TTC7B: variants seen among roughly 807,000 people sequenced by gnomAD.
TTC7B encodes tetratricopeptide repeat protein 7B.
Under a neutral mutation model 106.8 loss-of-function variants are expected in TTC7B, and 28 were observed. The ratio of observed to expected loss-of-function variants is 0.26; its 90% CI spans 0.19 to 0.36. The LOEUF (loss-of-function observed/expected upper bound fraction) is 0.36. Among genes scored for constraint, TTC7B ranks in the 10% least tolerant of loss-of-function variants. TTC7B has a pLI of 1.00. For synonymous variants in TTC7B, 405 were observed against 430.6 expected (o/e 0.94, Z 0.74); for missense variants, 862 against 1,076.4 (o/e 0.80, Z 2.79).
In TTC7B at chr14:90,786,341, A is replaced by G; in HGVS notation, c.122-13T>C. 6.2e-7 allele frequency: 1 copy of G among 1,612,760 alleles called. No individual in the cohort carries two copies. Among genetic ancestry groups the G allele is most frequent in the Non-Finnish European group, 8.5e-7 (1 of 1,179,764 alleles). On this transcript the variant is annotated splice_polypyrimidine_tract_variant and intron_variant, in intron 1 of 19. Transcript: ENST00000328459. Reference sequence around the variant, plus strand: ...TCTGCCATGTCATCTACAAAAACAAAGTGAGAACAAAGTGGGAGCAAGGAA... The same window carrying G: ...TCTGCCATGTCATCTACAAAAACAAGGTGAGAACAAAGTGGGAGCAAGGAA...
intron 17 of TTC7B, among the ~76,000 whole-genome samples, chr14:90,602,696 C>T (rs527463605): frequency 1.5e-5 from 2 of 136,094 alleles, no homozygotes; most frequent in East Asian, 4.0e-4. Context: ...GACCTTGTCT[C>T]AAAAAGAAAA....
intron 5 of TTC7B, among the ~76,000 whole-genome samples, chr14:90,702,638 T>C (rs1253624524): frequency 6.6e-6 from 1 of 152,232 alleles, no homozygotes; most frequent in African/African-American, 2.4e-5. Context: ...GGAAAAAAGA[T>C]ATTCCCCAGT....
chr14:90,719,772 G>A (rs758699609), intron 5 of TTC7B, among the ~76,000 whole-genome samples: 1 of 152,192 alleles, frequency 6.6e-6, no homozygotes, highest in Non-Finnish European at 1.5e-5. Context: ...AAATTCTTGT[G>A]AGTTGGAATC....
At chr14:90,688,820 A>G (rs1461822660) in intron 7 of TTC7B, among the ~76,000 whole-genome samples, 1 of 151,874 alleles carries the variant, frequency 6.6e-6, no homozygotes, top group Admixed American at 6.6e-5. Flanking sequence ...AAATAAAAAA[A>G]ATTTAAAAAT....
At chr14:90,632,898 T>C (rs1884763364) in intron 15 of TTC7B, among the ~76,000 whole-genome samples, 1 of 152,238 alleles carries the variant, frequency 6.6e-6, no homozygotes, top group South Asian at 2.1e-4. Flanking sequence ...ATGCGGGGTA[T>C]AAACATTAGT....
At chr14:90,748,487 A>C (rs553112158) in intron 3 of TTC7B, among the ~76,000 whole-genome samples, 82 of 150,676 alleles carry the variant, frequency 5.4e-4, no homozygotes, top group Non-Finnish European at 8.0e-4. Flanking sequence ...ACCACCACAC[A>C]TGGCTAATTT....
At chr14:90,573,186 G>A (rs772897871) in intron 19 of TTC7B, among the ~76,000 whole-genome samples, 12 of 152,076 alleles carry the variant, frequency 7.9e-5, no homozygotes, top group Admixed American at 1.3e-4. Context: ...TCTAGATTTC[G>A]TCACTTCTCA....
At chr14:90,587,898 G>A (rs1891783321) in intron 18 of TTC7B, among the ~76,000 whole-genome samples, 2 of 152,180 alleles carry the variant, frequency 1.3e-5, no homozygotes, top group East Asian at 3.8e-4. Flanking sequence ...TGATAGCTGT[G>A]TCTCAGTTTC....
rs1006703745 is a variant in TTC7B at position 90,663,729 on chromosome 14, G to A, written c.1153-5342C>T. Reference sequence around the variant, plus strand: ...ACCCACCTCCCCTAACAAGCCATGAGGGTGTCCTAAAGAGAGTTAGGAAAT... The same window carrying A: ...ACCCACCTCCCCTAACAAGCCATGAAGGTGTCCTAAAGAGAGTTAGGAAAT... On this transcript the variant is annotated intron_variant, in intron 9 of 19. Transcript: ENST00000328459. This position sits in a 1 kb window ranked among gnomAD's most constrained non-coding sequence, Gnocchi z 4.5. Among the ~76,000 whole-genome samples, 2 of 152,188 alleles carry A rather than the reference G, an allele frequency of 1.3e-5. No individual in the cohort carries two copies. Among genetic ancestry groups the A allele is most frequent in the Non-Finnish European group, 2.9e-5 (2 of 68,032 alleles).
chr14:90,706,863 T>A (rs181608713), intron 5 of TTC7B, among the ~76,000 whole-genome samples: 2 of 152,312 alleles, frequency 1.3e-5, no homozygotes, highest in East Asian at 3.9e-4. Flanking sequence ...GCGAGAACTC[T>A]CTCTCTCACA....
At chr14:90,720,103 A>G (rs1054515790) in intron 5 of TTC7B, among the ~76,000 whole-genome samples, 87 of 151,644 alleles carry the variant, frequency 5.7e-4, no homozygotes, top group Admixed American at 5.6e-3. Flanking sequence ...TCTTCTTCCA[A>G]TGTGGCCCAG....
chr14:90,605,208 G>A (rs1023867490), intron 17 of TTC7B, among the ~76,000 whole-genome samples: 1 of 152,178 alleles, frequency 6.6e-6, no homozygotes, highest in Non-Finnish European at 1.5e-5. Context: ...ATGATTATAC[G>A]CTGGTTGAAT....
chr14:90,545,245 T>C (rs1286411453), intron 19 of TTC7B, among the ~76,000 whole-genome samples: 4 of 152,192 alleles, frequency 2.6e-5, no homozygotes, highest in African/African-American at 9.7e-5. Flanking sequence ...GAGAGCTCAG[T>C]GGAGCTCTCT....
intron 5 of TTC7B, among the ~76,000 whole-genome samples, chr14:90,727,811 TC>T (rs1241287553): frequency 2.0e-5 from 3 of 152,218 alleles, no homozygotes; most frequent in East Asian, 3.9e-4. Context: ...GTCCATTATA[TC>T]CTTTCAGATA....
chr14:90,719,476 G>T (rs1039635071), intron 5 of TTC7B, among the ~76,000 whole-genome samples: 3 of 152,184 alleles, frequency 2.0e-5, no homozygotes, highest in Non-Finnish European at 2.9e-5. Context: ...GGGCTTCCCT[G>T]AGTGTGCTGA....
chr14:90,576,497 A>G (rs373921553), intron 19 of TTC7B, among the ~76,000 whole-genome samples: 4 of 152,360 alleles, frequency 2.6e-5, no homozygotes, highest in African/African-American at 9.6e-5. Flanking sequence ...ACTGAAAATG[A>G]CTGTCTTCAG....
chr14:90,610,835 A>T lies in TTC7B; in HGVS notation c.1873T>A (p.Ser625Thr). 4.3e-6 allele frequency: 7 copies of T among 1,612,442 alleles called. No individual in the cohort carries two copies. The highest frequency in any genetic ancestry group is 5.1e-6 in the Non-Finnish European group (6 of 1,178,446). Residue 625 changes from serine to threonine, a missense_variant, in exon 17 of 20, where the codon TCT becomes ACT. Ser to Thr is a moderately conservative substitution (Grantham distance 58). Coordinates refer to ENST00000328459, the MANE Select transcript of TTC7B (RefSeq NM_001010854.2). ...TCTAAGAGGCTGCTCCCACGTCCAGAATCACTGCAAAACACAGCTACAAAT... is the reference window on the plus strand; with the variant it reads ...TCTAAGAGGCTGCTCCCACGTCCAGTATCACTGCAAAACACAGCTACAAAT... ...SCYNLTNPSD[S>T]GRGSSLLDRT...
At chr14:90,744,266 A>T (rs1228658401) in intron 4 of TTC7B, among the ~76,000 whole-genome samples, 1 of 152,272 alleles carries the variant, frequency 6.6e-6, no homozygotes, top group Middle Eastern at 3.4e-3. Context: ...TGCTCAGAGG[A>T]TGCTAAAATG....
chr14:90,619,833 A>C (rs1224911523), intron 15 of TTC7B, among the ~76,000 whole-genome samples: 1 of 152,154 alleles, frequency 6.6e-6, no homozygotes, highest in Non-Finnish European at 1.5e-5. Flanking sequence ...TTGTGCTCTG[A>C]GTTTGATGGG....
Sources: gnomAD v4.1 joint callset for allele counts (sites outside exome capture counted in the v4.1 genomes callset) on GRCh38, gnomAD v4.1.1 for gene constraint, Gnocchi (gnomAD v3.1) non-coding constraint, MANE v1.5 for transcripts, NCBI Gene and HGNC (gene_info 2026-07-23, HGNC 2026-07-21) for gene names.